The following SLC2A13 variants were observed in gnomAD, a reference collection of about 807,000 sequenced individuals.
The protein encoded by SLC2A13 is proton myo-inositol cotransporter.
In SLC2A13, 32 loss-of-function variants were observed where a neutral mutation model predicts 64.4. That is an observed-to-expected ratio of 0.50 (90% CI 0.37 to 0.67). SLC2A13 has a LOEUF of 0.67. Among genes scored for constraint, SLC2A13 ranks in the 30% least tolerant of loss-of-function variants. The pLI, the probability that SLC2A13 is intolerant of heterozygous loss-of-function variation, is 0.00. For missense variants in SLC2A13, 743 were observed against 829.2 expected, an observed-to-expected ratio of 0.90 and a Z score of 1.28; for synonymous variants, 338 against 327.1, an observed-to-expected ratio of 1.03 and a Z score of -0.36.
At chr12:39,862,198 G>T (rs1943782103) in intron 6 of SLC2A13, among the ~76,000 whole-genome samples, 2 of 152,176 alleles carry the variant, frequency 1.3e-5, no homozygotes, top group South Asian at 4.1e-4. Context: ...CTAAAAAGGA[G>T]ATGTCCTCAT....
intron 6 of SLC2A13, among the ~76,000 whole-genome samples, chr12:39,841,636 A>C (rs1022209165): frequency 2.0e-5 from 3 of 152,078 alleles, no homozygotes; most frequent in Non-Finnish European, 4.4e-5. Context: ...TAACTTTTTC[A>C]GTCTTGATAC....
chr12:39,943,630 G>A (rs896108018), intron 4 of SLC2A13, among the ~76,000 whole-genome samples: 1 of 152,158 alleles, frequency 6.6e-6, no homozygotes, highest in East Asian at 1.9e-4. Context: ...ATCCCAGGTC[G>A]ATTTCAGACT....
intron 1 of SLC2A13, among the ~76,000 whole-genome samples, chr12:40,061,715 AAAG>A (rs965105904): frequency 1.3e-5 from 2 of 152,078 alleles, no homozygotes; most frequent in Non-Finnish European, 2.9e-5. Context: ...ATGAACATCA[AAAG>A]ATGACTGTAC....
At chr12:39,878,604 A>T (rs1430213261) in intron 4 of SLC2A13, among the ~76,000 whole-genome samples, 1 of 152,242 alleles carries the variant, frequency 6.6e-6, no homozygotes, top group Non-Finnish European at 1.5e-5. Flanking sequence ...GCATTCAAGA[A>T]GTCGCCTGTC....
intron 1 of SLC2A13, among the ~76,000 whole-genome samples, chr12:40,070,234 A>G (rs1937901757): frequency 6.6e-6 from 1 of 152,134 alleles, no homozygotes. Flanking sequence ...AAACCAGTGA[A>G]AAGTTCTGCT....
intron 4 of SLC2A13, among the ~76,000 whole-genome samples, chr12:39,947,177 G>C (rs1464068333): frequency 2.6e-5 from 4 of 152,206 alleles, no homozygotes; most frequent in Non-Finnish European, 5.9e-5. Flanking sequence ...TCTGCAAGGA[G>C]AGTGGCTAAA....
At chr12:40,062,373 G>A (rs888305691) in intron 1 of SLC2A13, among the ~76,000 whole-genome samples, 2 of 80,942 alleles carry the variant, frequency 2.5e-5, no homozygotes, top group Non-Finnish European at 5.1e-5. Context: ...TCTTATTTTT[G>A]TAGCTTCAGG....
chr12:39,975,570 C>T (rs1946743876), intron 3 of SLC2A13, among the ~76,000 whole-genome samples: 1 of 152,150 alleles, frequency 6.6e-6, no homozygotes, highest in Non-Finnish European at 1.5e-5. Flanking sequence ...CTTCCCATTG[C>T]CAGCTTATCC....
At chr12:39,852,219 T>TG (rs1339146736) in intron 6 of SLC2A13, among the ~76,000 whole-genome samples, 2 of 152,214 alleles carry the variant, frequency 1.3e-5, no homozygotes, top group African/African-American at 4.8e-5. Flanking sequence ...GTTTTCAAAC[T>TG]GAGTCCATAA....
intron 6 of SLC2A13, among the ~76,000 whole-genome samples, chr12:39,863,108 T>A (rs934947271): frequency 6.6e-6 from 1 of 152,154 alleles, no homozygotes; most frequent in Non-Finnish European, 1.5e-5. Flanking sequence ...AAAATTTGGT[T>A]CTATCTTCAC....
chr12:39,949,199 G>T (rs763667104), intron 4 of SLC2A13, among the ~76,000 whole-genome samples: 2 of 152,092 alleles, frequency 1.3e-5, no homozygotes, highest in Non-Finnish European at 2.9e-5. Context: ...CTCAGCATAG[G>T]TATTGTATTA....
At chr12:39,765,074 C>A (rs997881463) in intron 7 of SLC2A13, among the ~76,000 whole-genome samples, 2 of 151,864 alleles carry the variant, frequency 1.3e-5, no homozygotes, top group Non-Finnish European at 2.9e-5. Context: ...ACAAAGACAC[C>A]GTGTTTTATA....
intron 3 of SLC2A13, among the ~76,000 whole-genome samples, chr12:39,974,711 AAATGGC>A (rs1946730916): frequency 6.6e-6 from 1 of 152,232 alleles, no homozygotes; most frequent in Admixed American, 6.5e-5. Context: ...AATTCTAGAC[AAATGGC>A]ATGGGGCAAT....
intron 1 of SLC2A13, among the ~76,000 whole-genome samples, chr12:40,054,746 CT>C (rs1290940272): frequency 2.0e-5 from 3 of 152,166 alleles, no homozygotes; most frequent in African/African-American, 7.2e-5. Flanking sequence ...GCTGGAAGCC[CT>C]TTTAAAGGCC....
chr12:39,881,533 A>G (rs1389979421), intron 4 of SLC2A13, among the ~76,000 whole-genome samples: 1 of 152,150 alleles, frequency 6.6e-6, no homozygotes, highest in East Asian at 1.9e-4. Flanking sequence ...CAGCAACAAG[A>G]AGGAGTCTAA....
At chr12:39,979,175 A>T (rs1403037822) in intron 3 of SLC2A13, among the ~76,000 whole-genome samples, 1 of 143,174 alleles carries the variant, frequency 7.0e-6, no homozygotes, top group Non-Finnish European at 1.5e-5. Context: ...CCATCTGTAC[A>T]TCACCATCAT....
At chr12:40,079,518 G>A (rs1592065445) in intron 1 of SLC2A13, among the ~76,000 whole-genome samples, 1 of 152,254 alleles carries the variant, frequency 6.6e-6, no homozygotes, top group African/African-American at 2.4e-5. Flanking sequence ...TTGCTTTATG[G>A]CCAAATGTGT....
intron 7 of SLC2A13, among the ~76,000 whole-genome samples, chr12:39,783,665 C>T (rs1941079593): frequency 6.6e-6 from 1 of 152,108 alleles, no homozygotes; most frequent in Non-Finnish European, 1.5e-5. Context: ...GCATAAATGT[C>T]TTCTTTTGAG....
intron 4 of SLC2A13, among the ~76,000 whole-genome samples, chr12:39,933,936 A>T (rs549106245): frequency 4.5e-4 from 69 of 152,312 alleles, no homozygotes; most frequent in African/African-American, 1.5e-3. Flanking sequence ...GAAACAAGAA[A>T]TTTGATTCCA....
Sources: allele counts gnomAD v4.1 joint callset (sites outside exome capture counted in the v4.1 genomes callset), GRCh38; gene constraint gnomAD v4.1.1; transcripts MANE v1.5; gene names NCBI Gene and HGNC (gene_info 2026-07-23, HGNC 2026-07-21).